Variants in HEMK2 observed in about 807,000 individuals in gnomAD.
The protein encoded by HEMK2 is HemK methyltransferase 2, ETF1 glutamine and histone H4 lysine.
the HEMK2 span, among the ~76,000 whole-genome samples, chr21:28,822,680 T>C: frequency 6.6e-6 from 1 of 152,098 alleles, no homozygotes; most frequent in Non-Finnish European, 1.5e-5. Flanking sequence ...GCTGGAGCCA[T>C]TCCTTTCCCC....
At chr21:28,832,507 C>A in the HEMK2 span, among the ~76,000 whole-genome samples, 1 of 152,156 alleles carries the variant, frequency 6.6e-6, no homozygotes, top group African/African-American at 2.4e-5. Context: ...AGTAAACTAA[C>A]AAATGAATCA....
the HEMK2 span, among the ~76,000 whole-genome samples, chr21:28,784,954 G>A: frequency 1.3e-5 from 2 of 152,050 alleles, no homozygotes; most frequent in Middle Eastern, 3.2e-3. Context: ...CACTCACCGC[G>A]AAGATCTGCG....
chr21:28,604,921 G>T, the HEMK2 span, among the ~76,000 whole-genome samples: 506 of 152,294 alleles, frequency 3.3e-3, no homozygotes, highest in Middle Eastern at 0.014. Context: ...TTGTTCTTGG[G>T]CATGAATTTT....
chr21:28,790,217 T>TGTTTCAAAA, the HEMK2 span, among the ~76,000 whole-genome samples: 2 of 152,142 alleles, frequency 1.3e-5, no homozygotes, highest in Non-Finnish European at 1.5e-5. Context: ...AAACAAAAAC[T>TGTTTCAAAA]CAGAAATGTG....
the HEMK2 span, among the ~76,000 whole-genome samples, chr21:28,635,064 CTGAA>C: frequency 3.3e-5 from 5 of 151,132 alleles, no homozygotes; most frequent in Non-Finnish European, 7.4e-5. Flanking sequence ...AAAATTAACT[CTGAA>C]TGATCTATGA....
chr21:28,780,630 T>C, the HEMK2 span, among the ~76,000 whole-genome samples: 1 of 152,208 alleles, frequency 6.6e-6, no homozygotes, highest in South Asian at 2.1e-4. Flanking sequence ...TTAAAGTTCA[T>C]TCTAACCTTG....
chr21:28,654,382 T>C, the HEMK2 span, among the ~76,000 whole-genome samples: 25 of 152,164 alleles, frequency 1.6e-4, no homozygotes, highest in Non-Finnish European at 2.9e-5. Flanking sequence ...ATTTTCTTTC[T>C]TTCTCTGCTT....
chr21:28,615,275 G>A, the HEMK2 span, among the ~76,000 whole-genome samples: 2 of 151,822 alleles, frequency 1.3e-5, no homozygotes, highest in African/African-American at 4.8e-5. Flanking sequence ...TACATTCTTC[G>A]GGGTTTTACT....
chr21:28,757,631 G>C, the HEMK2 span, among the ~76,000 whole-genome samples: 7 of 152,140 alleles, frequency 4.6e-5, no homozygotes, highest in Non-Finnish European at 7.3e-5. Flanking sequence ...GAAGTTGCAG[G>C]GTAGTTTGCT....
the HEMK2 span, among the ~76,000 whole-genome samples, chr21:28,598,449 C>T: frequency 6.6e-6 from 1 of 152,172 alleles, no homozygotes; most frequent in Admixed American, 6.5e-5. Context: ...ATGAGCTTAT[C>T]TGGTTGGCAA....
At chr21:28,795,009 T>C in the HEMK2 span, among the ~76,000 whole-genome samples, 1 of 152,188 alleles carries the variant, frequency 6.6e-6, no homozygotes, top group Non-Finnish European at 1.5e-5. Context: ...TCTGAACAAA[T>C]ATATTCAAAT....
chr21:28,820,177 T>G, the HEMK2 span, among the ~76,000 whole-genome samples: 1 of 152,052 alleles, frequency 6.6e-6, no homozygotes, highest in Non-Finnish European at 1.5e-5. Flanking sequence ...CCTTTAGAGA[T>G]CAACAGATTT....
At chr21:28,835,602 C>T in the HEMK2 span, among the ~76,000 whole-genome samples, 1 of 152,112 alleles carries the variant, frequency 6.6e-6, no homozygotes, top group East Asian at 1.9e-4. Flanking sequence ...CAAAAAACCA[C>T]ATTAGTTCAC....
chr21:28,885,339 C>A, the HEMK2 span: 5 of 1,570,424 alleles, frequency 3.2e-6, no homozygotes, highest in African/African-American at 4.1e-5. Flanking sequence ...AAGTTCTCCC[C>A]TGCCATAGTC....
the HEMK2 span, among the ~76,000 whole-genome samples, chr21:28,781,005 T>C: frequency 1.3e-5 from 2 of 152,176 alleles, no homozygotes; most frequent in Admixed American, 6.5e-5. Context: ...ATCATCTTTA[T>C]AGATATTAAG....
the HEMK2 span, among the ~76,000 whole-genome samples, chr21:28,599,787 G>C: frequency 6.6e-6 from 1 of 152,272 alleles, no homozygotes; most frequent in South Asian, 2.1e-4. Context: ...AGATACAATG[G>C]GGGTACAGGC....
chr21:28,594,355 G>T, the HEMK2 span, among the ~76,000 whole-genome samples: 1 of 152,054 alleles, frequency 6.6e-6, no homozygotes, highest in African/African-American at 2.4e-5. Flanking sequence ...TAATAATAAT[G>T]TACTCATATT....
the HEMK2 span, among the ~76,000 whole-genome samples, chr21:28,796,293 C>T: frequency 3.3e-5 from 5 of 151,932 alleles, no homozygotes; most frequent in African/African-American, 1.2e-4. Flanking sequence ...GTGCCTGCCA[C>T]TACGTCCGGC....
At chr21:28,877,189 AGGAAGGAAG>A in the HEMK2 span, among the ~76,000 whole-genome samples, 5 of 126,036 alleles carry the variant, frequency 4.0e-5, no homozygotes, top group Non-Finnish European at 6.7e-5. Flanking sequence ...AGAGGGAGGG[AGGAAGGAAG>A]GGAGGGAAGG....
Sources: allele counts gnomAD v4.1 joint callset (sites outside exome capture counted in the v4.1 genomes callset), GRCh38; gene constraint gnomAD v4.1.1; transcripts MANE v1.5; gene names NCBI Gene and HGNC (gene_info 2026-07-23, HGNC 2026-07-21).